Variants in KIAA1549L observed in about 807,000 individuals in gnomAD.
KIAA1549L encodes UPF0606 protein KIAA1549L.
Under a neutral mutation model 160.7 loss-of-function variants are expected in KIAA1549L, and 88 were observed. The observed-to-expected ratio is 0.55, with a 90% CI of 0.46 to 0.65. The LOEUF (loss-of-function observed/expected upper bound fraction) is 0.65. Among genes scored for constraint, KIAA1549L ranks in the 30% least tolerant of loss-of-function variants. The pLI, the probability that KIAA1549L is intolerant of heterozygous loss-of-function variation, is 0.00. For synonymous variants in KIAA1549L, 950 were observed against 976.7 expected (o/e 0.97, Z 0.51); for missense variants, 2,258 against 2,437.5 (o/e 0.93, Z 1.55).
In KIAA1549L at chr11:33,671,456, G is replaced by A. The variant is rs1046556552; in HGVS notation, c.*3302G>A. The A allele has an allele frequency of 6.6e-6, 1 of 152,100 alleles. No homozygotes were observed. Among genetic ancestry groups the A allele is most frequent in the Non-Finnish European group, 1.5e-5 (1 of 68,036 alleles). The allele number at this position is 152,100 out of a possible 1,614,324, so 9.4% of individuals were successfully genotyped here. On this transcript the variant is annotated 3_prime_UTR_variant, in exon 21 of 21. Coordinates refer to ENST00000658780, the MANE Select transcript of KIAA1549L (RefSeq NM_012194.3). ...TCCTCTTTCAGGGTAGATTATGTAAGAATCAATTCCCTGGTCCCAGGAGAA... is the reference window on the plus strand; with the variant it reads ...TCCTCTTTCAGGGTAGATTATGTAAAAATCAATTCCCTGGTCCCAGGAGAA...
At chr11:33,583,549 G>C in intron 11 of KIAA1549L, 48 bp downstream of exon 11, 1 of 1,501,160 alleles carries the variant, frequency 6.7e-7, no homozygotes, top group Non-Finnish European at 9.0e-7. Flanking sequence ...GCCTGCAGGA[G>C]CTCAGCCTGC....
intron 1 of KIAA1549L, among the ~76,000 whole-genome samples, chr11:33,525,187 C>G (rs979448502): frequency 6.6e-6 from 1 of 152,132 alleles, no homozygotes; most frequent in African/African-American, 2.4e-5. Context: ...TTCATAGAGT[C>G]TTTGAAAGAA....
chr11:33,559,673 C>A, intron 6 of KIAA1549L, 76 bp from the exon 7 acceptor site: 8 of 1,295,926 alleles, frequency 6.2e-6, no homozygotes, highest in South Asian at 5.0e-5. Flanking sequence ...TAGCCTCCCC[C>A]TCCCATGGCC....
intron 1 of KIAA1549L, among the ~76,000 whole-genome samples, chr11:33,428,749 T>C (rs1851171062): frequency 3.9e-5 from 6 of 152,238 alleles, no homozygotes; most frequent in South Asian, 4.1e-4. Context: ...TGAATAGTGC[T>C]GCAATAAACA....
chr11:33,622,367 G>A (rs1850981659), intron 16 of KIAA1549L, among the ~76,000 whole-genome samples: 1 of 152,190 alleles, frequency 6.6e-6, no homozygotes. Context: ...CCACAGGGCT[G>A]GCCCTGAGGA....
intron 10 of KIAA1549L, among the ~76,000 whole-genome samples, chr11:33,579,547 A>C (rs1050702334): frequency 4.0e-5 from 6 of 151,892 alleles, no homozygotes; most frequent in Admixed American, 2.0e-4. Flanking sequence ...GATAAAGGAG[A>C]TTCAGCTCCC....
intron 1 of KIAA1549L, among the ~76,000 whole-genome samples, chr11:33,404,898 C>T (rs1002977863): frequency 8.6e-5 from 13 of 150,726 alleles, no homozygotes; most frequent in African/African-American, 3.2e-4. Context: ...ATCCCAGCTA[C>T]TCGGGAGGCT....
intron 1 of KIAA1549L, among the ~76,000 whole-genome samples, chr11:33,445,860 C>T (rs907590875): frequency 1.3e-5 from 2 of 152,178 alleles, no homozygotes; most frequent in African/African-American, 4.8e-5. Context: ...CATGTGGGGA[C>T]ACAACAGGAA....
intron 20 of KIAA1549L, 53 bp from the exon 21 acceptor site, chr11:33,667,820 T>C: frequency 6.6e-7 from 1 of 1,511,536 alleles, no homozygotes; most frequent in Non-Finnish European, 9.0e-7. Context: ...TCCTGTGACT[T>C]GAGCTCCTTC....
chr11:33,607,474 T>C (rs1327367334), intron 14 of KIAA1549L, among the ~76,000 whole-genome samples: 2 of 152,228 alleles, frequency 1.3e-5, no homozygotes, highest in Non-Finnish European at 2.9e-5. Flanking sequence ...ATTTCCTTCA[T>C]CTTCAGCAGC....
intron 11 of KIAA1549L, among the ~76,000 whole-genome samples, chr11:33,588,803 G>A (rs1849955887): frequency 1.3e-5 from 2 of 152,154 alleles, no homozygotes; most frequent in South Asian, 2.1e-4. Context: ...CACCACATAG[G>A]TCAGAGTGTA....
intron 1 of KIAA1549L, among the ~76,000 whole-genome samples, chr11:33,429,748 T>C (rs1851192872): frequency 6.6e-6 from 1 of 152,132 alleles, no homozygotes; most frequent in Non-Finnish European, 1.5e-5. Context: ...GGAATCTTGG[T>C]GTTGTCTTTG....
rs753875684 is a variant in KIAA1549L, at chr11:33,618,636, C to T, written c.5383C>T (p.Arg1795Cys). 3.1e-6 allele frequency: 5 copies of T among 1,599,364 alleles called. No homozygotes were observed. The highest frequency in any genetic ancestry group is 2.3e-5 in the East Asian group (1 of 44,312). Residue 1795 changes from arginine (R) to cysteine (C), a missense_variant, in exon 16 of 21, where the codon CGT becomes TGT. This residue lies in a region of KIAA1549L where 1,359 missense variants were observed against 1,546.6 expected (regional missense o/e 0.88). Coordinates refer to ENST00000658780, the MANE Select transcript of KIAA1549L (RefSeq NM_012194.3). ...DLLVTRERPRRGIRNSGYDTE... is the reference protein window; with the variant it reads ...DLLVTRERPRCGIRNSGYDTE... ...TCTGGTGACTCGGGAGCGACCCCGG[C>T]GTGGAATCCGCAACAGCGGATACGA...
At chr11:33,483,267 G>C (rs1852450875) in intron 1 of KIAA1549L, among the ~76,000 whole-genome samples, 1 of 152,176 alleles carries the variant, frequency 6.6e-6, no homozygotes, top group Admixed American at 6.5e-5. Context: ...TGTCAGTCCA[G>C]TAGTAACAAA....
intron 1 of KIAA1549L, among the ~76,000 whole-genome samples, chr11:33,466,242 C>T (rs1852055500): frequency 6.6e-6 from 1 of 152,128 alleles, no homozygotes; most frequent in South Asian, 2.1e-4. Flanking sequence ...GGCTCATATC[C>T]AGAATCTACA....
Position 33,504,084 on chromosome 11 carries a change from A to AC in KIAA1549L, c.239-37713dup, listed in dbSNP as rs376805398. Among the ~76,000 whole-genome samples, 192 of 152,072 alleles carry AC rather than the reference A, an allele frequency of 1.3e-3. 3 individuals carry two copies. The highest frequency in any genetic ancestry group is 4.5e-3 in the African/African-American group (185 of 41,474). ...AGACCAGCCTGGCCAAAATGGTGAA[A>AC]CCCCCATCTCTACTAAAAATACAAA... On this transcript the variant is annotated intron_variant, in intron 1 of 20. Coordinates refer to ENST00000658780, the MANE Select transcript of KIAA1549L (RefSeq NM_012194.3).
intron 1 of KIAA1549L, chr11:33,403,196 CACAG>C (rs1327509712): frequency 6.9e-6 from 1 of 145,414 alleles, no homozygotes; most frequent in African/African-American, 2.6e-5. Context: ...CACAGACATA[CACAG>C]ACACACGCAC....
intron 1 of KIAA1549L, among the ~76,000 whole-genome samples, chr11:33,436,209 G>A (rs2132933872): frequency 6.6e-6 from 1 of 152,012 alleles, no homozygotes. Flanking sequence ...AGATACTGAG[G>A]GAAGACCATA....
intron 17 of KIAA1549L, among the ~76,000 whole-genome samples, chr11:33,648,262 C>T (rs559021433): frequency 8.0e-4 from 122 of 152,136 alleles, no homozygotes; most frequent in Non-Finnish European, 1.6e-3. Flanking sequence ...TCCCAAAGTG[C>T]TGGGATTACA....
Sources: allele counts gnomAD v4.1 joint callset (sites outside exome capture counted in the v4.1 genomes callset), GRCh38; gene constraint gnomAD v4.1.1; regional missense constraint gnomAD v4.1.1; transcripts MANE v1.5; gene names NCBI Gene and HGNC (gene_info 2026-07-23, HGNC 2026-07-21).